KIAA0825: variants seen among roughly 807,000 people sequenced by gnomAD.
KIAA0825 encodes the protein uncharacterized protein KIAA0825.
A neutral mutation model predicts 147.6 loss-of-function variants in KIAA0825; 119 were observed. The ratio of observed to expected loss-of-function variants is 0.81; its 90% CI spans 0.69 to 0.94. The LOEUF is 0.94. Ranked by LOEUF, KIAA0825 falls within the 40% of genes least tolerant of loss-of-function variation. The pLI, the probability that KIAA0825 is intolerant of heterozygous loss-of-function variation, is 0.00. For synonymous variants in KIAA0825, 470 were observed against 518.1 expected (o/e 0.91, Z 1.26); for missense variants, 1,381 against 1,472.7 (o/e 0.94, Z 1.02).
At chr5:94,542,465 G>C (rs1773522698) in intron 2 of KIAA0825, among the ~76,000 whole-genome samples, 2 of 152,142 alleles carry the variant, frequency 1.3e-5, no homozygotes, top group South Asian at 2.1e-4. Context: ...AACTATTTGT[G>C]AATGTTCTTA....
chr5:94,264,272 G>C (rs1372549978), intron 20 of KIAA0825, among the ~76,000 whole-genome samples: 1 of 152,186 alleles, frequency 6.6e-6, no homozygotes, highest in Non-Finnish European at 1.5e-5. Context: ...TTACTACTAT[G>C]TGATTGAAGC....
At chr5:94,518,059 ATGT>A (rs1315585379) in intron 5 of KIAA0825, among the ~76,000 whole-genome samples, 2 of 152,204 alleles carry the variant, frequency 1.3e-5, no homozygotes, top group African/African-American at 2.4e-5. Flanking sequence ...GAGCCAATAA[ATGT>A]TGTTGTTACT....
chr5:94,532,511 C>T (rs1771005941), intron 3 of KIAA0825, among the ~76,000 whole-genome samples: 1 of 151,550 alleles, frequency 6.6e-6, no homozygotes, highest in South Asian at 2.1e-4. Flanking sequence ...TCCCTCTTTC[C>T]TTTTCTTTCC....
chr5:94,548,768 A>G (rs1409793929), intron 2 of KIAA0825, among the ~76,000 whole-genome samples: 1 of 152,216 alleles, frequency 6.6e-6, no homozygotes, highest in East Asian at 1.9e-4. Flanking sequence ...AACAAAAGGC[A>G]GCAGTAGATA....
At chr5:94,529,010 A>G (rs1485180628) in intron 3 of KIAA0825, among the ~76,000 whole-genome samples, 1 of 151,722 alleles carries the variant, frequency 6.6e-6, no homozygotes, top group African/African-American at 2.4e-5. Flanking sequence ...AATAATGGGA[A>G]TCCTAAGAGA....
At chr5:94,594,492 CATAAT>C in intron 1 of KIAA0825, 1 of 745,946 alleles carries the variant, frequency 1.3e-6, no homozygotes, top group South Asian at 1.4e-5. Flanking sequence ...TTATGGAAGC[CATAAT>C]ATAACATTGG....
chr5:94,172,192 C>G (rs1768684360), intron 20 of KIAA0825, among the ~76,000 whole-genome samples: 1 of 152,136 alleles, frequency 6.6e-6, no homozygotes, highest in Non-Finnish European at 1.5e-5. Flanking sequence ...GAAACTGATG[C>G]CCAGAGAGTA....
intron 2 of KIAA0825, among the ~76,000 whole-genome samples, chr5:94,563,030 A>C (rs1053158207): frequency 1.8e-4 from 27 of 152,190 alleles, no homozygotes; most frequent in Non-Finnish European, 5.9e-5. Flanking sequence ...TTCTAAGATG[A>C]AATCTAAAGA....
chr5:94,339,846 AT>A (rs1782186130), intron 20 of KIAA0825, among the ~76,000 whole-genome samples: 1 of 152,216 alleles, frequency 6.6e-6, no homozygotes, highest in Non-Finnish European at 1.5e-5. Context: ...CAGGCCAAAT[AT>A]TTATTTAAAA....
intron 20 of KIAA0825, among the ~76,000 whole-genome samples, chr5:94,292,567 T>G (rs770122229): frequency 7.2e-5 from 11 of 152,324 alleles, no homozygotes; most frequent in Admixed American, 2.6e-4. Flanking sequence ...GATATTGGCC[T>G]GAAATTTTCT....
At chr5:94,569,304 C>A (rs932541162) in intron 2 of KIAA0825, 2 of 323,804 alleles carry the variant, frequency 6.2e-6, no homozygotes, top group Non-Finnish European at 1.2e-5. Context: ...TTTAAAAAAA[C>A]CATTAAACCT....
intron 20 of KIAA0825, among the ~76,000 whole-genome samples, chr5:94,253,598 T>C (rs1356762805): frequency 6.6e-6 from 1 of 152,154 alleles, no homozygotes; most frequent in African/African-American, 2.4e-5. Context: ...AAATCTCAAG[T>C]ATACGCCCTA....
chr5:94,440,539 G>C (rs893058805), intron 13 of KIAA0825, among the ~76,000 whole-genome samples: 13 of 152,014 alleles, frequency 8.6e-5, no homozygotes, highest in African/African-American at 3.1e-4. Context: ...TCACTAGTTT[G>C]TAATTTGCTA....
chr5:94,468,949 A>T (rs1052375863), intron 10 of KIAA0825, among the ~76,000 whole-genome samples: 2 of 152,202 alleles, frequency 1.3e-5, no homozygotes, highest in African/African-American at 4.8e-5. Context: ...TTAAGATATT[A>T]TAAATGTTTC....
intron 5 of KIAA0825, among the ~76,000 whole-genome samples, chr5:94,502,663 TTTGA>T (rs1209451465): frequency 1.3e-5 from 2 of 152,214 alleles, no homozygotes; most frequent in African/African-American, 4.8e-5. Flanking sequence ...AATGTATCAC[TTTGA>T]TTATTTCTTC....
At chr5:94,382,689 C>T (rs1748580521) in intron 20 of KIAA0825, among the ~76,000 whole-genome samples, 1 of 152,122 alleles carries the variant, frequency 6.6e-6, no homozygotes, top group African/African-American at 2.4e-5. Flanking sequence ...TGTATGAGTT[C>T]TTTTCTCCCA....
chr5:94,583,759 A>C (rs1410803874), intron 1 of KIAA0825, among the ~76,000 whole-genome samples: 5 of 152,122 alleles, frequency 3.3e-5, no homozygotes, highest in African/African-American at 1.2e-4. Flanking sequence ...CCTGACTGGA[A>C]GACATCTCCC....
chr5:94,521,288 T>C (rs755813869), intron 4 of KIAA0825, among the ~76,000 whole-genome samples: 2 of 151,796 alleles, frequency 1.3e-5, no homozygotes, highest in African/African-American at 4.8e-5. Context: ...TAATACAAAA[T>C]AGATTCAAGA....
At chr5:94,385,758 G>A (rs1163000196) in intron 19 of KIAA0825, among the ~76,000 whole-genome samples, 1 of 152,098 alleles carries the variant, frequency 6.6e-6, no homozygotes. Context: ...TTTTAAATTT[G>A]GGAATGTGTC....
Sources: gnomAD v4.1 joint callset for allele counts (sites outside exome capture counted in the v4.1 genomes callset) on GRCh38, gnomAD v4.1.1 for gene constraint, MANE v1.5 for transcripts, NCBI Gene and HGNC (gene_info 2026-07-23, HGNC 2026-07-21) for gene names.